The following NYAP2 variants were observed in gnomAD, a reference collection of about 807,000 sequenced individuals.
NYAP2 encodes neuronal tyrosine-phosphorylated phosphoinositide-3-kinase adapter 2.
A neutral mutation model predicts 50.4 loss-of-function variants in NYAP2; 23 were observed. The observed-to-expected ratio is 0.46, with a 90% confidence interval of 0.33 to 0.65. The LOEUF (loss-of-function observed/expected upper bound fraction) is 0.65. Ranked by LOEUF, NYAP2 falls within the 30% of genes least tolerant of loss-of-function variation. NYAP2 has a pLI of 0.02. For missense variants in NYAP2, 885 were observed against 861.0 expected (o/e 1.03, Z -0.35); for synonymous variants, 394 against 365.2 (o/e 1.08, Z -0.90).
At chr2:225,591,717 G>T (rs1416440635) in intron 5 of NYAP2, among the ~76,000 whole-genome samples, 2 of 152,082 alleles carry the variant, frequency 1.3e-5, no homozygotes, top group African/African-American at 4.8e-5. Context: ...CGATTATTTG[G>T]CTCTAGAGTT....
At position 225,426,146 on chromosome 2, in the gene NYAP2, T is replaced by G. The variant is rs867048767; in HGVS notation, c.221+17045T>G. On this transcript the variant is annotated intron_variant, in intron 3 of 6. Coordinates refer to ENST00000636099, the Ensembl canonical transcript of NYAP2. ...TTGCTTTCTTTCTCTTTTCTTTTTT[T>G]TTTTTAAAAATTCTACTTAATATTT... is the stretch of plus-strand genomic sequence containing the variant. Among the ~76,000 whole-genome samples the G allele has an allele frequency of 4.7e-3, 719 of 151,988 alleles. 5 individuals carry two copies. Among genetic ancestry groups the G allele is most frequent in the African/African-American group, 0.016 (669 of 41,366 alleles).
At chr2:225,627,351 T>C (rs1395455628) in intron 6 of NYAP2, among the ~76,000 whole-genome samples, 1 of 152,238 alleles carries the variant, frequency 6.6e-6, no homozygotes, top group African/African-American at 2.4e-5. Context: ...CGGTGCTTCT[T>C]GGAGCTATGC....
At chr2:225,463,466 A>C (rs191215974) in intron 3 of NYAP2, among the ~76,000 whole-genome samples, 301 of 152,380 alleles carry the variant, frequency 2.0e-3, no homozygotes, top group African/African-American at 6.9e-3. Context: ...AGGTGCTCCT[A>C]CTTTGAAAAA....
At chr2:225,471,104 A>G (rs542356438) in intron 3 of NYAP2, among the ~76,000 whole-genome samples, 2 of 152,340 alleles carry the variant, frequency 1.3e-5, no homozygotes, top group African/African-American at 4.8e-5. Flanking sequence ...ACAAACCTCC[A>G]TTGTTTGTGG....
chr2:225,562,273 A>T (rs1691889197), intron 4 of NYAP2, among the ~76,000 whole-genome samples: 1 of 152,138 alleles, frequency 6.6e-6, no homozygotes, highest in African/African-American at 2.4e-5. Context: ...AATTCTTCCC[A>T]TTGGAATCTG....
intron 3 of NYAP2, among the ~76,000 whole-genome samples, chr2:225,417,644 CT>C (rs1207176556): frequency 6.6e-6 from 1 of 152,060 alleles, no homozygotes; most frequent in Non-Finnish European, 1.5e-5. Context: ...ATTTTCGTCT[CT>C]GATTTGGGGC....
chr2:225,467,201 T>A (rs1403197335), intron 3 of NYAP2, among the ~76,000 whole-genome samples: 1 of 152,202 alleles, frequency 6.6e-6, no homozygotes, highest in East Asian at 1.9e-4. Flanking sequence ...ACCAGCCGAA[T>A]GTCCTTAGAG....
At chr2:225,508,922 C>G (rs1208503905) in intron 3 of NYAP2, among the ~76,000 whole-genome samples, 1 of 152,184 alleles carries the variant, frequency 6.6e-6, no homozygotes, top group East Asian at 1.9e-4. Flanking sequence ...TGCCACAGTT[C>G]ACTCCCTAGA....
At chr2:225,654,511 C>T (rs139809393), downstream of NYAP2, among the ~76,000 whole-genome samples, 160 of 151,858 alleles carry the variant, frequency 1.1e-3, 3 homozygotes, top group East Asian at 0.03. Context: ...GGTGAAACCC[C>T]ATCTGTACTA....
intron 5 of NYAP2, among the ~76,000 whole-genome samples, chr2:225,609,057 G>A (rs1692836858): frequency 6.6e-6 from 1 of 151,970 alleles, no homozygotes; most frequent in South Asian, 2.1e-4. Context: ...TTTACTTCTT[G>A]TCATATTCTT....
rs1457806698 is a variant in NYAP2 at position 225,644,235 on chromosome 2, C to T, written c.1829-7197C>T. Among the ~76,000 whole-genome samples, 497 of 151,798 alleles carry T rather than the reference C, an allele frequency of 3.3e-3. 3 individuals are homozygous for T. Among genetic ancestry groups the T allele is most frequent in the African/African-American group, 0.011 (459 of 41,418 alleles). On this transcript the variant is annotated intron_variant, in intron 6 of 6. Coordinates refer to ENST00000636099, the Ensembl canonical transcript of NYAP2. ...CATGTGTTTTTTGGCTGCATAAATGCCTTCTTTTGAGAAGTGTCTGTTCAT... is the reference window on the plus strand; with the variant it reads ...CATGTGTTTTTTGGCTGCATAAATGTCTTCTTTTGAGAAGTGTCTGTTCAT...
intron 6 of NYAP2, among the ~76,000 whole-genome samples, chr2:225,646,876 G>A (rs1056769682): frequency 6.6e-6 from 1 of 152,102 alleles, no homozygotes; most frequent in Non-Finnish European, 1.5e-5. Context: ...TCCTATGGGG[G>A]TAGAGCAAGA....
At chr2:225,625,465 CAGAGATGACCATGACCCTGCA>C (rs1449212285) in intron 5 of NYAP2, among the ~76,000 whole-genome samples, 1 of 152,072 alleles carries the variant, frequency 6.6e-6, no homozygotes. Flanking sequence ...AAGGTCAGTG[CAGAGATGACCATGACCCTGCA>C]AGAGTGGTGA....
chr2:225,518,561 TA>T (rs1690981622), intron 4 of NYAP2, among the ~76,000 whole-genome samples: 1 of 36,816 alleles, frequency 2.7e-5, no homozygotes. Context: ...TATATATATA[TA>T]TATATATTAG....
chr2:225,462,788 G>A (rs866149064), intron 3 of NYAP2, among the ~76,000 whole-genome samples: 1 of 146,820 alleles, frequency 6.8e-6, no homozygotes, highest in African/African-American at 2.7e-5. Flanking sequence ...GCTTCAGTTG[G>A]TCCATTAAAA....
the NYAP2 span, chr2:225,702,563 T>G: frequency 6.6e-6 from 1 of 151,666 alleles, no homozygotes; most frequent in African/African-American, 2.4e-5. Context: ...AAACTTAATG[T>G]CTAAGTATAG....
In NYAP2 at chr2:225,588,145, C is replaced by T. The variant is rs1013945719; in HGVS notation, c.1618+5110C>T. Among the ~76,000 whole-genome samples, 4 of 152,076 alleles carry T rather than the reference C, an allele frequency of 2.6e-5. No homozygotes were observed. The East Asian group carries it at 5.8e-4, about 22-fold the overall frequency. On this transcript the variant is annotated intron_variant, in intron 5 of 6. Transcript: ENST00000636099. The stretch of plus-strand genomic sequence containing the variant: ...TTCACCATGTTGGCCAGGCTGATCT[C>T]GAACTCCTGACCTCAGGTTATCTGC...
At chr2:225,512,906 CCTTTCTTTTT>C (rs1690858720) in intron 3 of NYAP2, among the ~76,000 whole-genome samples, 1 of 128,220 alleles carries the variant, frequency 7.8e-6, no homozygotes, top group Non-Finnish European at 1.6e-5. Flanking sequence ...CCTTTCCTTT[CCTTTCTTTTT>C]CTTTCTTTCT....
At chr2:225,501,943 C>T (rs561039453) in intron 3 of NYAP2, among the ~76,000 whole-genome samples, 5 of 152,244 alleles carry the variant, frequency 3.3e-5, no homozygotes, top group African/African-American at 7.2e-5. Context: ...AGCATAGAGT[C>T]CTTTGGCAAT....
Sources: gnomAD v4.1 joint callset for allele counts (sites outside exome capture counted in the v4.1 genomes callset) on GRCh38, gnomAD v4.1.1 for gene constraint, MANE v1.5 for transcripts, NCBI Gene and HGNC (gene_info 2026-07-23, HGNC 2026-07-21) for gene names.